The following ZNF385D variants were observed in gnomAD, a reference collection of about 807,000 sequenced individuals.
The protein encoded by ZNF385D is zinc finger protein 385D, also known as zinc finger protein 659.
A neutral mutation model predicts 35.8 loss-of-function variants in ZNF385D; 15 were observed. The ratio of observed to expected loss-of-function variants is 0.42; its 90% CI spans 0.28 to 0.64. The LOEUF (loss-of-function observed/expected upper bound fraction) is 0.64. Ranked by LOEUF, ZNF385D falls within the 30% of genes least tolerant of loss-of-function variation. The pLI is 0.23. For synonymous variants in ZNF385D, 212 were observed against 186.8 expected (o/e 1.13, Z -1.10); for missense variants, 474 against 494.6 (o/e 0.96, Z 0.39).
At chr3:22,338,162 T>C (rs2125473197) in intron 2 of ZNF385D, among the ~76,000 whole-genome samples, 1 of 152,324 alleles carries the variant, frequency 6.6e-6, no homozygotes, top group South Asian at 2.1e-4. Context: ...CTATTAATAG[T>C]AAAGAGACCT....
chr3:21,754,547 G>A (rs541976180), upstream of ZNF385D, among the ~76,000 whole-genome samples: 1 of 152,060 alleles, frequency 6.6e-6, no homozygotes, highest in Non-Finnish European at 1.5e-5. Flanking sequence ...CCGGGTAGCT[G>A]CCTGCCTTGA....
At chr3:21,575,631 C>T (rs1004003396) in intron 2 of ZNF385D, among the ~76,000 whole-genome samples, 1 of 152,130 alleles carries the variant, frequency 6.6e-6, no homozygotes, top group Admixed American at 6.6e-5. Context: ...GCTTTCAGGA[C>T]TCAATTGTGA....
chr3:22,236,561 T>C (rs1345979845), intron 2 of ZNF385D, among the ~76,000 whole-genome samples: 1 of 152,192 alleles, frequency 6.6e-6, no homozygotes, highest in Non-Finnish European at 1.5e-5. Flanking sequence ...TATTAAGATA[T>C]AATCACTTAC....
chr3:22,227,695 T>C (rs1334492514), intron 2 of ZNF385D, among the ~76,000 whole-genome samples: 1 of 152,114 alleles, frequency 6.6e-6, no homozygotes, highest in Non-Finnish European at 1.5e-5. Flanking sequence ...CATGTCATGA[T>C]ACCATTGCCA....
chr3:21,843,944 G>C (rs1695839654), intron 3 of ZNF385D, among the ~76,000 whole-genome samples: 1 of 151,842 alleles, frequency 6.6e-6, no homozygotes, highest in Non-Finnish European at 1.5e-5. Flanking sequence ...GTGCACAAAA[G>C]GAACTCTAGT....
At chr3:22,264,888 T>C (rs1277656976) in intron 2 of ZNF385D, among the ~76,000 whole-genome samples, 1 of 151,990 alleles carries the variant, frequency 6.6e-6, no homozygotes, top group Non-Finnish European at 1.5e-5. Context: ...AGGATTTAAA[T>C]AATCATGTTG....
At chr3:22,248,150 A>G (rs781323588) in intron 2 of ZNF385D, among the ~76,000 whole-genome samples, 2 of 152,128 alleles carry the variant, frequency 1.3e-5, no homozygotes, top group African/African-American at 4.8e-5. Context: ...AAATCTCAAC[A>G]TTTTGTATTC....
At chr3:22,279,171 T>A (rs1261166725) in intron 2 of ZNF385D, among the ~76,000 whole-genome samples, 1 of 152,040 alleles carries the variant, frequency 6.6e-6, no homozygotes, top group Non-Finnish European at 1.5e-5. Context: ...GAATAAGTTA[T>A]TTAGTGGCCA....
intron 1 of ZNF385D, among the ~76,000 whole-genome samples, chr3:21,720,458 A>G (rs1244032238): frequency 2.0e-5 from 3 of 152,156 alleles, no homozygotes; most frequent in African/African-American, 7.2e-5. Flanking sequence ...GGAGGCTGAG[A>G]TGGGAAGATC....
chr3:21,617,645 C>T (rs534946346), intron 2 of ZNF385D, among the ~76,000 whole-genome samples: 4 of 152,264 alleles, frequency 2.6e-5, no homozygotes, highest in East Asian at 1.9e-4. Flanking sequence ...GTGATTGAAA[C>T]GCGGATTCAG....
At chr3:21,684,401 T>TCC (rs2067029586) in intron 1 of ZNF385D, among the ~76,000 whole-genome samples, 1 of 75,176 alleles carries the variant, frequency 1.3e-5, no homozygotes, top group Non-Finnish European at 2.3e-5. Flanking sequence ...TCTCTCTCTC[T>TCC]CTCCTCTCTC....
intron 3 of ZNF385D, among the ~76,000 whole-genome samples, chr3:21,794,860 G>A (rs1011362961): frequency 3.9e-5 from 6 of 152,128 alleles, no homozygotes; most frequent in African/African-American, 1.4e-4. Context: ...CTACCTCTCT[G>A]AGCTTCATCT....
chr3:22,101,762 C>G (rs1039547940), intron 3 of ZNF385D, among the ~76,000 whole-genome samples: 2 of 151,900 alleles, frequency 1.3e-5, no homozygotes, highest in African/African-American at 4.8e-5. Flanking sequence ...ATTGAAGACC[C>G]AAAAGAAGAT....
chr3:22,115,264 A>G (rs578032554), intron 3 of ZNF385D, among the ~76,000 whole-genome samples: 1 of 152,234 alleles, frequency 6.6e-6, no homozygotes, highest in African/African-American at 2.4e-5. Context: ...GTTAGACATT[A>G]CATAGAGAAA....
chr3:21,471,278 C>T (rs1330538655), intron 4 of ZNF385D, among the ~76,000 whole-genome samples: 1 of 23,038 alleles, frequency 4.3e-5, no homozygotes, highest in Non-Finnish European at 1.1e-4. Context: ...CTCTCTTTCT[C>T]TCTCTCTCTC....
intron 3 of ZNF385D, among the ~76,000 whole-genome samples, chr3:22,015,035 T>G (rs1359171407): frequency 1.3e-5 from 2 of 152,170 alleles, no homozygotes; most frequent in Non-Finnish European, 2.9e-5. Flanking sequence ...CATATATCAC[T>G]GTGTAATTTC....
intron 2 of ZNF385D, among the ~76,000 whole-genome samples, chr3:22,349,260 C>A (rs767898584): frequency 6.6e-6 from 1 of 152,124 alleles, no homozygotes; most frequent in Non-Finnish European, 1.5e-5. Context: ...ATAGTAGCAG[C>A]AGCAGAAGAA....
intron 3 of ZNF385D, among the ~76,000 whole-genome samples, chr3:21,880,209 T>C (rs1698206176): frequency 1.3e-5 from 2 of 151,986 alleles, no homozygotes; most frequent in South Asian, 4.1e-4. Context: ...TCAGCCTCAC[T>C]TATGAGCACT....
chr3:22,101,016 G>T (rs974343585), intron 3 of ZNF385D, among the ~76,000 whole-genome samples: 1 of 151,862 alleles, frequency 6.6e-6, no homozygotes. Context: ...TTATAAATGG[G>T]CTACCCAAAC....
Sources: allele counts gnomAD v4.1 joint callset (sites outside exome capture counted in the v4.1 genomes callset), GRCh38; gene constraint gnomAD v4.1.1; transcripts MANE v1.5; gene names NCBI Gene and HGNC (gene_info 2026-07-23, HGNC 2026-07-21).